The following LDHA variants were observed in gnomAD, a reference collection of about 807,000 sequenced individuals.
LDHA encodes the protein L-lactate dehydrogenase A chain.
In LDHA, 10 loss-of-function variants were observed where a neutral mutation model predicts 36.3. The observed-to-expected ratio is 0.28, with a 90% CI of 0.17 to 0.47. The LOEUF (loss-of-function observed/expected upper bound fraction) is 0.47. Ranked by LOEUF, LDHA falls within the 20% of genes least tolerant of loss-of-function variation. The probability of loss-of-function intolerance (pLI) is 0.99; values close to 1 mark genes in which losing one functional copy is unlikely to be tolerated. For missense variants in LDHA, 267 were observed against 405.8 expected (o/e 0.66, Z 2.94); for synonymous variants, 110 against 136.7 (o/e 0.80, Z 1.36).
chr11:18,399,136 A>G (rs1866393431), intron 2 of LDHA: 1 of 388,434 alleles, frequency 2.6e-6, no homozygotes, highest in South Asian at 2.4e-5. Context: ...TATAATTGGA[A>G]GTTATTCTAG....
rs753218262 is a variant in LDHA at position 18,408,006 on chromosome 11, T to G, written c.*725T>G. The G allele has an allele frequency of 6.1e-4, 276 of 454,120 alleles. No homozygotes were observed. Among genetic ancestry groups the G allele is most frequent in the Middle Eastern group, 4.2e-3 (6 of 1,444 alleles). The allele number at this position is 454,120 out of a possible 1,614,324, so 28.1% of individuals were successfully genotyped here. ...GCAGAGGATGTAATAGTCAACTGAG[T>G]TGTATTGGTACCACTTCCATTGTAA... is the stretch of plus-strand genomic sequence containing the variant. On this transcript the variant is annotated 3_prime_UTR_variant, in exon 8 of 8. Transcript: ENST00000422447.
chr11:18,402,722 C>G, intron 4 of LDHA, 118 bp from the exon 5 acceptor site: 1 of 795,230 alleles, frequency 1.3e-6, no homozygotes, highest in South Asian at 1.4e-5. Flanking sequence ...TCTGGAGTAG[C>G]CTATTATTAT....
intron 1 of LDHA, chr11:18,396,241 T>G (rs1276912885): frequency 1.6e-5 from 5 of 318,458 alleles, no homozygotes; most frequent in Non-Finnish European, 2.9e-5. Context: ...GCGCACAAGT[T>G]CCTGGGCCCG....
rs773897712 is a variant in LDHA, at chr11:18,399,490, G to C, written c.186G>C (p.Met62Ile). 3 of 1,613,664 alleles carry C rather than the reference G, an allele frequency of 1.9e-6. No individual in the cohort carries two copies. The South Asian group carries it at 3.3e-5, about 18-fold the overall frequency. Residue 62 changes from methionine to isoleucine, a missense_variant, in exon 3 of 8, where the codon ATG becomes ATC. Met to Ile is a conservative substitution (Grantham distance 10, BLOSUM62 1). Coordinates refer to ENST00000422447, the MANE Select transcript of LDHA (RefSeq NM_005566.4). ...TCGAAGACAAATTGAAGGGAGAGAT[G>C]ATGGATCTCCAACATGGCAGCCTTT... is the stretch of plus-strand genomic sequence containing the variant. ...DVIEDKLKGEMMDLQHGSLFL... is the reference protein window; with the variant it reads ...DVIEDKLKGEIMDLQHGSLFL...
chr11:18,400,385 G>A, intron 3 of LDHA: 2 of 275,286 alleles, frequency 7.3e-6, no homozygotes, highest in Non-Finnish European at 1.4e-5. Flanking sequence ...TTTGTTAAGT[G>A]TAAAGCTGTC....
At chr11:18,405,668 T>C in intron 7 of LDHA, 96 bp downstream of exon 7, 2 of 1,324,138 alleles carry the variant, frequency 1.5e-6, no homozygotes, top group Non-Finnish European at 2.2e-6. Context: ...CTTCCATTAC[T>C]GACTTAAGTG....
At chr11:18,403,054 T>C (rs1489350307) in intron 5 of LDHA, 41 bp downstream of exon 5, 15 of 1,551,792 alleles carry the variant, frequency 9.7e-6, no homozygotes, top group Non-Finnish European at 1.3e-5. Flanking sequence ...GAAAAGATTA[T>C]ATAAAAAGTC....
chr11:18,407,747 T>C lies in LDHA; in HGVS notation c.*466T>C, dbSNP rs199655216. The C allele has an allele frequency of 3.2e-5, 15 of 465,484 alleles. No individual in the cohort carries two copies. The highest frequency in any genetic ancestry group is 3.0e-4 in the African/African-American group (15 of 50,490). The allele number at this position is 465,484 out of a possible 1,614,324, so 28.8% of individuals were successfully genotyped here. A position where few individuals can be genotyped will look rare whatever the true frequency, so the allele number is the denominator to read the frequency against. On this transcript the variant is annotated 3_prime_UTR_variant, in exon 8 of 8. Coordinates refer to ENST00000422447, the MANE Select transcript of LDHA (RefSeq NM_005566.4). ...CTTATTTTGTGAACTATATCAGTAG[T>C]GTACATTACCATATAATGTAAAAAG... is the stretch of plus-strand genomic sequence containing the variant.
chr11:18,408,320 C>T lies in LDHA; in HGVS notation c.*1039C>T. 5.2e-6 allele frequency: 2 copies of T among 386,130 alleles called. No homozygotes were observed. Among genetic ancestry groups the T allele is most frequent in the Non-Finnish European group, 1.0e-5 (2 of 197,574 alleles). The allele number at this position is 386,130 out of a possible 1,614,324, so 23.9% of individuals were successfully genotyped here. ...ACCAGCCTGGCCAACACAACAAAAC[C>T]CCATCTGTTAAAAAAACAAAACAAA... On this transcript the variant is annotated 3_prime_UTR_variant, in exon 8 of 8. Coordinates refer to ENST00000422447, the MANE Select transcript of LDHA (RefSeq NM_005566.4).
chr11:18,403,056 TAA>T (rs765584184), intron 5 of LDHA, 43 bp downstream of exon 5: 1 of 1,542,322 alleles, frequency 6.5e-7, no homozygotes, highest in Non-Finnish European at 9.0e-7. Context: ...AAAGATTATA[TAA>T]AAAGTCGATG....
intron 1 of LDHA, chr11:18,396,354 A>G (rs1329040342): frequency 2.5e-6 from 1 of 397,276 alleles, no homozygotes; most frequent in Non-Finnish European, 4.4e-6. Context: ...GAGAGCCACA[A>G]AGCGCGCATG....
Position 18,407,283 on chromosome 11 carries a change from GTCT to G in LDHA, c.*6_*8del, listed in dbSNP as rs1323734449. The G allele has an allele frequency of 1.2e-6, 2 of 1,613,284 alleles. No homozygotes were observed. The highest frequency in any genetic ancestry group is 2.7e-5 in the African/African-American group (2 of 75,020). On this transcript the variant is annotated 3_prime_UTR_variant, in exon 8 of 8. Transcript: ENST00000422447. ...ATCCAAAAGGAGCTGCAATTTTAAA[GTCT>G]TCTGATGTCATATCATTTCACTGTC...
intron 2 of LDHA, 64 bp downstream of exon 2, chr11:18,397,032 C>T (rs1201577423): frequency 2.2e-6 from 3 of 1,369,556 alleles, no homozygotes; most frequent in East Asian, 2.3e-5. Context: ...CCCACTCCTA[C>T]CCCTAGAACT....
intron 4 of LDHA, 143 bp downstream of exon 4, chr11:18,401,153 T>C (rs946444295): frequency 9.0e-6 from 3 of 332,234 alleles, no homozygotes; most frequent in African/African-American, 2.2e-5. Flanking sequence ...TTTTAAAATA[T>C]ATATATATAT....
chr11:18,401,485 T>TTTTTC (rs1472933889), intron 4 of LDHA, among the ~76,000 whole-genome samples: 3 of 120,438 alleles, frequency 2.5e-5, no homozygotes, highest in African/African-American at 6.0e-5. Flanking sequence ...TTTTTTTTTT[T>TTTTTC]TTTTTTTTTT....
In LDHA at chr11:18,403,471, T is replaced by C. The variant is rs1881716; in HGVS notation, c.593-223T>C. On this transcript the variant is annotated intron_variant, in intron 5 of 7. Coordinates refer to ENST00000422447, the MANE Select transcript of LDHA (RefSeq NM_005566.4). ...AATATACATGGGTTAAACATTTCAA[T>C]TGGCTAGAGAAACAGGTTAGAATAC... Among the ~76,000 whole-genome samples the C allele has an allele frequency of 0.65, 99,005 of 152,072 alleles. 33,259 individuals are homozygous for C. Among genetic ancestry groups the C allele is most frequent in the South Asian group, 0.76 (3,665 of 4,830 alleles).
chr11:18,401,171 C>A (rs1164078250), intron 4 of LDHA, 161 bp downstream of exon 4: 10 of 296,962 alleles, frequency 3.4e-5, no homozygotes, highest in Non-Finnish European at 5.2e-5. Flanking sequence ...TATTTTGAGG[C>A]GGAGTTTTGC....
In LDHA at chr11:18,408,309, CACA is replaced by C. The variant is rs1393525681; in HGVS notation, c.*1033_*1035del. 1 of 399,886 alleles carries C rather than the reference CACA, an allele frequency of 2.5e-6. No individual in the cohort carries two copies. The highest frequency in any genetic ancestry group is 4.9e-6 in the Non-Finnish European group (1 of 205,078). The allele number at this position is 399,886 out of a possible 1,614,324, so 24.8% of individuals were successfully genotyped here. On this transcript the variant is annotated 3_prime_UTR_variant, in exon 8 of 8. Coordinates refer to ENST00000422447, the MANE Select transcript of LDHA (RefSeq NM_005566.4). ...AGGAATTGGGGACCAGCCTGGCCAA[CACA>C]ACAAAACCCCATCTGTTAAAAAAAC...
chr11:18,395,941 C>T (rs1866278024), intron 1 of LDHA, among the ~76,000 whole-genome samples: 1 of 152,236 alleles, frequency 6.6e-6, no homozygotes, highest in Non-Finnish European at 1.5e-5. Flanking sequence ...GTTAACAGGC[C>T]CTGGTTTCTA....
Sources: allele counts gnomAD v4.1 joint callset (sites outside exome capture counted in the v4.1 genomes callset), GRCh38; gene constraint gnomAD v4.1.1; transcripts MANE v1.5; gene names NCBI Gene and HGNC (gene_info 2026-07-23, HGNC 2026-07-21).